Variants in FBN2 observed in about 807,000 individuals in gnomAD.
The protein encoded by FBN2 is fibrillin 2.
FBN2 carries 105 observed loss-of-function variants against 355.6 expected under a neutral mutation model. The observed-to-expected ratio is 0.30, with a 90% CI of 0.25 to 0.35. The LOEUF is 0.35. Ranked by LOEUF, FBN2 falls within the 10% of genes least tolerant of loss-of-function variation. FBN2 has a pLI of 1.00. For missense variants in FBN2, 3,280 were observed against 3,758.7 expected (o/e 0.87, Z 3.33); for synonymous variants, 1,350 against 1,301.2 (o/e 1.04, Z -0.81).
intron 32 of FBN2, among the ~76,000 whole-genome samples, chr5:128,332,055 A>G (rs1263149080): frequency 6.6e-6 from 1 of 152,222 alleles, no homozygotes; most frequent in Non-Finnish European, 1.5e-5. Context: ...GATACTTCAA[A>G]TTCTATAGTC....
chr5:128,405,627 T>G (rs1752906919), intron 8 of FBN2, among the ~76,000 whole-genome samples: 1 of 152,162 alleles, frequency 6.6e-6, no homozygotes, highest in African/African-American at 2.4e-5. Flanking sequence ...TAGAGAAAGA[T>G]TTTGAAATGT....
chr5:128,469,149 G>C (rs1480191163), intron 5 of FBN2, among the ~76,000 whole-genome samples: 2 of 152,106 alleles, frequency 1.3e-5, no homozygotes, highest in Non-Finnish European at 2.9e-5. Context: ...TGAGAGAAGA[G>C]AGCACCAATG....
At position 128,535,024 on chromosome 5, in the gene FBN2, G is replaced by T. The variant is rs180763695; in HGVS notation, c.337+1378C>A. Among the ~76,000 whole-genome samples the T allele has an allele frequency of 2.8e-3, 428 of 152,290 alleles. 3 individuals are homozygous for T. The highest frequency in any genetic ancestry group is 9.8e-3 in the African/African-American group (409 of 41,554). On this transcript the variant is annotated intron_variant, in intron 2 of 64. Coordinates refer to ENST00000262464, the MANE Select transcript of FBN2 (RefSeq NM_001999.4). Reference sequence around the variant, plus strand: ...AAGCAGCCATGGTAATGCCCTACTGGCCTGAAAGAGTAAACCCACCCTCCA... The same window carrying T: ...AAGCAGCCATGGTAATGCCCTACTGTCCTGAAAGAGTAAACCCACCCTCCA...
intron 7 of FBN2, among the ~76,000 whole-genome samples, chr5:128,433,111 G>A (rs747686349): frequency 2.8e-4 from 43 of 152,156 alleles, no homozygotes; most frequent in Non-Finnish European, 4.7e-4. Context: ...GATGAGATTT[G>A]GGTGGAGACA....
intron 33 of FBN2, 44 bp from the exon 34 acceptor site, chr5:128,328,865 C>T (rs1316691560): frequency 6.2e-7 from 1 of 1,609,730 alleles, no homozygotes; most frequent in South Asian, 1.1e-5. Context: ...TTCCAAATTT[C>T]ATGACACATT....
chr5:128,261,741 T>C lies in FBN2; in HGVS notation c.8359A>G (p.Thr2787Ala), dbSNP rs1210036668. ...ACAGAGTGGGATATACTCACAGCAG[T>C]GGGATCAGGTTCATGAATACTTCTC... ...QKRSIHEPDP[T>A]AVEQISLESV... is the part of the protein sequence containing the mutation. The change falls in exon 64 of 65, where the codon ACT (threonine) becomes GCT (alanine). Residue 2787 changes from threonine to alanine, a missense_variant. Thr to Ala is a moderately conservative substitution (Grantham distance 58). This residue lies in a region of FBN2 where 311 missense variants were observed against 319.1 expected (regional missense o/e 0.97). Coordinates refer to ENST00000262464, the MANE Select transcript of FBN2 (RefSeq NM_001999.4). The C allele has an allele frequency of 1.9e-6, 3 of 1,614,022 alleles. No homozygotes were observed. The highest frequency in any genetic ancestry group is 1.1e-5 in the South Asian group (1 of 91,092).
intron 25 of FBN2, among the ~76,000 whole-genome samples, chr5:128,341,947 C>T (rs1038376683): frequency 1.3e-5 from 2 of 152,172 alleles, no homozygotes; most frequent in South Asian, 2.1e-4. Flanking sequence ...AGGCTTCAAT[C>T]CTGTTCAAAA....
chr5:128,436,771 G>A lies in FBN2; in HGVS notation c.952+9710C>T, dbSNP rs937663883. ...GATGTGTCCAGCGCCTCATGGAAGA[G>A]ACATAAAAAGTAACCCAGAAGACAA... On this transcript the variant is annotated intron_variant, in intron 7 of 64. Transcript: ENST00000262464. Among the ~76,000 whole-genome samples the A allele has an allele frequency of 4.6e-5, 7 of 152,208 alleles. No individual in the cohort carries two copies. The East Asian group carries it at 1.4e-3, about 29-fold the overall frequency.
At position 128,434,394 on chromosome 5, in the gene FBN2, G is replaced by GTATATATATATATATATATATATATA. The variant is rs6149234; in HGVS notation, c.952+12061_952+12086dup. ...CAATGCCTGGCAGTGAATAAAGTGT[G>GTATATATATATATATATATATATATA]TATATATATATATATATATATATAT... On this transcript the variant is annotated intron_variant, in intron 7 of 64. Transcript: ENST00000262464. 2.2e-3 allele frequency among the ~76,000 whole-genome samples: 203 copies of GTATATATATATATATATATATATATA among 91,522 alleles called. 5 individuals are homozygous for GTATATATATATATATATATATATATA. Among genetic ancestry groups the GTATATATATATATATATATATATATA allele is most frequent in the Non-Finnish European group, 2.6e-3 (125 of 48,550 alleles). The allele number at this position is 91,522 out of a possible 152,430, so 60.0% of individuals were successfully genotyped here.
chr5:128,394,729 A>G (rs1223574294), intron 9 of FBN2, among the ~76,000 whole-genome samples: 1 of 152,206 alleles, frequency 6.6e-6, no homozygotes, highest in Non-Finnish European at 1.5e-5. Context: ...CACTCAAGTC[A>G]TACTGAAAAC....
In FBN2 at chr5:128,310,166, T is replaced by A; in HGVS notation, c.5075-58A>T. The A allele has an allele frequency of 3.5e-6, 5 of 1,415,924 alleles. No individual in the cohort carries two copies. The Admixed American group carries it at 7.1e-5, about 20-fold the overall frequency. 87.7% of individuals were successfully genotyped at this position (1,415,924 alleles called of 1,614,324 possible). A position where few individuals can be genotyped will look rare whatever the true frequency, so the allele number is the denominator to read the frequency against. Reference sequence around the variant, plus strand: ...AATCTATTTTTTCAATGAATTTATATTACTTAGATGACTGAACAAAGCATA... The same window carrying A: ...AATCTATTTTTTCAATGAATTTATAATACTTAGATGACTGAACAAAGCATA... On this transcript the variant is annotated intron_variant, in intron 39 of 64. Transcript: ENST00000262464.
chr5:128,527,827 A>G, intron 4 of FBN2, 45 bp downstream of exon 4: 1 of 1,325,206 alleles, frequency 7.5e-7, no homozygotes, highest in Non-Finnish European at 1.1e-6. Context: ...TTAATATGAA[A>G]TATCCACCAA....
chr5:128,511,099 T>C (rs1329974425), intron 5 of FBN2, among the ~76,000 whole-genome samples: 1 of 152,218 alleles, frequency 6.6e-6, no homozygotes, highest in Non-Finnish European at 1.5e-5. Flanking sequence ...AATTATATAA[T>C]TTCCAATTTA....
At chr5:128,341,613 C>T (rs1390052325) in intron 25 of FBN2, among the ~76,000 whole-genome samples, 2 of 152,210 alleles carry the variant, frequency 1.3e-5, no homozygotes, top group South Asian at 2.1e-4. Flanking sequence ...GGCTTCCATG[C>T]CCTACTCAAG....
chr5:128,491,659 T>C (rs914259262), intron 5 of FBN2, among the ~76,000 whole-genome samples: 8 of 152,196 alleles, frequency 5.3e-5, no homozygotes, highest in Non-Finnish European at 1.2e-4. Context: ...CTCCAAAATC[T>C]GAAGAGGGTA....
At chr5:128,377,964 T>A in intron 12 of FBN2, 87 bp from the exon 13 acceptor site, 1 of 1,290,092 alleles carries the variant, frequency 7.8e-7, no homozygotes, top group Non-Finnish European at 1.1e-6. Flanking sequence ...TTTTAAATAT[T>A]CAAAATCATG....
At chr5:128,306,988 C>A (rs770892263) in intron 42 of FBN2, 147 bp downstream of exon 42, 2 of 642,544 alleles carry the variant, frequency 3.1e-6, no homozygotes, top group Middle Eastern at 4.2e-4. Context: ...AGTCTGTAAG[C>A]CTGTTATTTC....
chr5:128,268,171 TA>T (rs1346436099), intron 62 of FBN2, among the ~76,000 whole-genome samples: 5 of 151,402 alleles, frequency 3.3e-5, no homozygotes, highest in Admixed American at 6.6e-5. Flanking sequence ...ATAGACACAA[TA>T]AAAAAATGAT....
In FBN2 at chr5:128,273,878, C is replaced by A. The variant is rs754326936; in HGVS notation, c.7802G>T (p.Arg2601Ile). The change falls in exon 61 of 65, where the codon AGA (arginine) becomes ATA (isoleucine). Residue 2601 changes from arginine (R) to isoleucine (I), a missense_variant. Arg to Ile is a moderately conservative substitution (Grantham distance 97). Transcript: ENST00000262464. The part of the protein sequence containing the change: ...TPGSFSCECQ[R>I]GFSLDATGLN... ...TCCGGTGGCATCAAGAGAGAACCCTCTTTGGCATTCACAGCTGAAACTGCC... is the reference window on the plus strand; with the variant it reads ...TCCGGTGGCATCAAGAGAGAACCCTATTTGGCATTCACAGCTGAAACTGCC... 6.2e-7 allele frequency: 1 copy of A among 1,613,992 alleles called. No individual in the cohort carries two copies. Among genetic ancestry groups the A allele is most frequent in the South Asian group, 1.1e-5 (1 of 91,076 alleles).
Sources: allele counts gnomAD v4.1 joint callset (sites outside exome capture counted in the v4.1 genomes callset), GRCh38; gene constraint gnomAD v4.1.1; regional missense constraint gnomAD v4.1.1; transcripts MANE v1.5; gene names NCBI Gene and HGNC (gene_info 2026-07-23, HGNC 2026-07-21).